Variants in MALRD1 observed in about 807,000 individuals in gnomAD.
MALRD1 encodes MAM and LDL-receptor class A domain-containing protein 1.
MALRD1 carries 247 observed loss-of-function variants against 242.1 expected under a neutral mutation model. That is an observed-to-expected ratio of 1.02 (90% CI 0.92 to 1.13). The LOEUF (loss-of-function observed/expected upper bound fraction) is 1.13. Among genes scored for constraint, MALRD1 ranks in the 50% most tolerant of loss-of-function variants. MALRD1 has a pLI of 0.00. For synonymous variants in MALRD1, 995 were observed against 866.6 expected (o/e 1.15, Z -2.60); for missense variants, 2,989 against 2,533.1 (o/e 1.18, Z -3.86).
chr10:19,327,803 C>G, intron 23 of MALRD1, 130 bp downstream of exon 23: 1 of 688,002 alleles, frequency 1.5e-6, no homozygotes, highest in South Asian at 2.0e-5. Context: ...TGCGTGGACA[C>G]CATGCTTAAC....
intron 26 of MALRD1, among the ~76,000 whole-genome samples, chr10:19,373,980 T>C (rs1845494942): frequency 6.6e-6 from 1 of 152,236 alleles, no homozygotes; most frequent in Non-Finnish European, 1.5e-5. Flanking sequence ...AATACAGTTC[T>C]TTACTGCTCT....
chr10:19,457,317 C>A (rs1335450540), intron 29 of MALRD1, among the ~76,000 whole-genome samples: 1 of 152,134 alleles, frequency 6.6e-6, no homozygotes, highest in Non-Finnish European at 1.5e-5. Flanking sequence ...CTACTGGTTA[C>A]CAACTTGCCT....
At chr10:19,054,443 A>G (rs1834603523) in intron 1 of MALRD1, among the ~76,000 whole-genome samples, 1 of 152,144 alleles carries the variant, frequency 6.6e-6, no homozygotes. Context: ...ACTCTTAGTT[A>G]TTTTGAAATA....
intron 28 of MALRD1, among the ~76,000 whole-genome samples, chr10:19,426,402 G>A (rs1037913499): frequency 5.9e-5 from 9 of 152,286 alleles, no homozygotes; most frequent in African/African-American, 1.9e-4. Flanking sequence ...GAAAATACCT[G>A]CAGAAAGCAT....
chr10:19,150,846 T>C (rs1237043419), intron 11 of MALRD1, among the ~76,000 whole-genome samples: 1 of 152,222 alleles, frequency 6.6e-6, no homozygotes, highest in African/African-American at 2.4e-5. Flanking sequence ...ATCTAGCTGT[T>C]CCCCTATCCA....
At chr10:19,321,417 G>C (rs953452185) in intron 21 of MALRD1, among the ~76,000 whole-genome samples, 1 of 152,026 alleles carries the variant, frequency 6.6e-6, no homozygotes, top group African/African-American at 2.4e-5. Context: ...CATTCCTACT[G>C]GGAGACAGAG....
rs1834836628 is a variant in MALRD1, at chr10:19,539,507, A to G, written c.5478+8156A>G. On this transcript the variant is annotated intron_variant, in intron 32 of 39. Transcript: ENST00000454679. ...TGTTCTGCATATTATATTTTTCAGT[A>G]TACATTTGGTTTGAATTTTAAATTT... is the stretch of plus-strand genomic sequence containing the variant. Among the ~76,000 whole-genome samples the G allele has an allele frequency of 3.3e-5, 5 of 152,272 alleles. No individual in the cohort carries two copies. The South Asian group carries it at 1.0e-3, about 32-fold the overall frequency.
intron 21 of MALRD1, among the ~76,000 whole-genome samples, chr10:19,316,440 G>A (rs1048717174): frequency 1.3e-5 from 2 of 151,964 alleles, no homozygotes; most frequent in South Asian, 4.2e-4. Context: ...TGGGGAGTCA[G>A]CCAGTAAGAA....
intron 5 of MALRD1, among the ~76,000 whole-genome samples, chr10:19,105,910 A>G (rs1317236481): frequency 6.6e-6 from 1 of 151,878 alleles, no homozygotes; most frequent in South Asian, 2.1e-4. Flanking sequence ...ATATATTCTG[A>G]GAATTGACCC....
intron 21 of MALRD1, among the ~76,000 whole-genome samples, chr10:19,309,260 C>T (rs1842334846): frequency 6.6e-6 from 1 of 151,278 alleles, no homozygotes; most frequent in African/African-American, 2.4e-5. Flanking sequence ...CAATGTGGTG[C>T]CTTTACCTTT....
chr10:19,581,302 C>G (rs1250311474), intron 33 of MALRD1, among the ~76,000 whole-genome samples: 1 of 151,244 alleles, frequency 6.6e-6, no homozygotes, highest in Non-Finnish European at 1.5e-5. Flanking sequence ...ATGTGACATG[C>G]TGGTGCGCTG....
intron 29 of MALRD1, among the ~76,000 whole-genome samples, chr10:19,465,563 C>G (rs895622487): frequency 1.3e-5 from 2 of 152,090 alleles, no homozygotes; most frequent in Non-Finnish European, 2.9e-5. Flanking sequence ...CATAGTCTCA[C>G]TCTGTCACCC....
At chr10:19,144,952 A>G in intron 10 of MALRD1, among the ~76,000 whole-genome samples, 1 of 152,188 alleles carries the variant, frequency 6.6e-6, no homozygotes, top group Non-Finnish European at 1.5e-5. Flanking sequence ...TGTCAAAACT[A>G]TGGGTGTTTT....
chr10:19,418,153 C>G (rs1833582396), intron 28 of MALRD1, among the ~76,000 whole-genome samples: 1 of 151,986 alleles, frequency 6.6e-6, no homozygotes, highest in African/African-American at 2.4e-5. Context: ...CTGTCTCTAT[C>G]TATCTATCTA....
At chr10:19,267,124 A>G (rs1185392272) in intron 19 of MALRD1, among the ~76,000 whole-genome samples, 2 of 152,128 alleles carry the variant, frequency 1.3e-5, no homozygotes, top group African/African-American at 4.8e-5. Context: ...AACACTGACT[A>G]CATCACAAAA....
intron 1 of MALRD1, among the ~76,000 whole-genome samples, chr10:19,051,285 C>T (rs868195625): frequency 1.5e-5 from 2 of 132,686 alleles, no homozygotes; most frequent in Admixed American, 7.9e-5. Context: ...TTTACAGTAG[C>T]CACATTAAAA....
intron 10 of MALRD1, among the ~76,000 whole-genome samples, chr10:19,138,557 A>G (rs1469950392): frequency 6.6e-6 from 1 of 151,562 alleles, no homozygotes; most frequent in Non-Finnish European, 1.5e-5. Flanking sequence ...AGTAGCTGGG[A>G]TTACAAGCAT....
At chr10:19,364,423 A>G (rs552268654) in intron 26 of MALRD1, among the ~76,000 whole-genome samples, 1 of 152,246 alleles carries the variant, frequency 6.6e-6, no homozygotes, top group East Asian at 1.9e-4. Context: ...GGAGCTCTAA[A>G]AACCAAAAGA....
At chr10:19,098,942 C>T (rs1836145272) in intron 4 of MALRD1, among the ~76,000 whole-genome samples, 1 of 152,132 alleles carries the variant, frequency 6.6e-6, no homozygotes, top group South Asian at 2.1e-4. Flanking sequence ...GTGTTATTTG[C>T]ATAAGGCACA....
Sources: allele counts gnomAD v4.1 joint callset (sites outside exome capture counted in the v4.1 genomes callset), GRCh38; gene constraint gnomAD v4.1.1; transcripts MANE v1.5; gene names NCBI Gene and HGNC (gene_info 2026-07-23, HGNC 2026-07-21).